TNFSF4: variants seen among roughly 807,000 people sequenced by gnomAD.
The protein encoded by TNFSF4 is tumor necrosis factor ligand superfamily member 4.
In TNFSF4, 4 loss-of-function variants were observed where a neutral mutation model predicts 7.3. The ratio of observed to expected loss-of-function variants is 0.55; its 90% CI spans 0.27 to 1.25. The LOEUF (loss-of-function observed/expected upper bound fraction) is 1.25. Among genes scored for constraint, TNFSF4 ranks in the 50% most tolerant of loss-of-function variants. The pLI, the probability that TNFSF4 is intolerant of heterozygous loss-of-function variation, is 0.12. For missense variants in TNFSF4, 181 were observed against 208.8 expected, an observed-to-expected ratio of 0.87 and a Z score of 0.82; for synonymous variants, 76 against 83.7, an observed-to-expected ratio of 0.91 and a Z score of 0.50.
At chr1:173,387,778 A>T in the TNFSF4 span, among the ~76,000 whole-genome samples, 1 of 152,212 alleles carries the variant, frequency 6.6e-6, no homozygotes, top group Non-Finnish European at 1.5e-5. Context: ...ATTGTTCATT[A>T]ACCATTAACT....
the TNFSF4 span, among the ~76,000 whole-genome samples, chr1:173,309,957 G>C: frequency 2.6e-5 from 4 of 151,720 alleles, no homozygotes; most frequent in Non-Finnish European, 5.9e-5. Context: ...TTAATGTATT[G>C]ATAAAAAATA....
At chr1:173,362,624 G>T in the TNFSF4 span, 1 of 465,410 alleles carries the variant, frequency 2.1e-6, no homozygotes, top group Middle Eastern at 4.9e-4. Flanking sequence ...GCATGCTGCT[G>T]GTGATTAAAG....
the TNFSF4 span, among the ~76,000 whole-genome samples, chr1:173,321,718 T>C: frequency 5.9e-4 from 89 of 151,982 alleles, no homozygotes; most frequent in Middle Eastern, 6.8e-3. Flanking sequence ...ATAAAAAAGG[T>C]TCATCATCAC....
the TNFSF4 span, among the ~76,000 whole-genome samples, chr1:173,231,362 A>G: frequency 6.6e-6 from 1 of 152,248 alleles, no homozygotes; most frequent in Non-Finnish European, 1.5e-5. Context: ...TTATCTCAAT[A>G]GATGCAGAAA....
chr1:173,416,682 G>A, the TNFSF4 span, among the ~76,000 whole-genome samples: 2 of 131,344 alleles, frequency 1.5e-5, no homozygotes, highest in African/African-American at 5.5e-5. Flanking sequence ...AGGCTGGAGT[G>A]CAGTGATGTC....
chr1:173,318,686 G>T, the TNFSF4 span, among the ~76,000 whole-genome samples: 1 of 152,150 alleles, frequency 6.6e-6, no homozygotes, highest in African/African-American at 2.4e-5. Context: ...TTTATATGAA[G>T]AGCTGTAAAA....
chr1:173,390,163 C>T, the TNFSF4 span, among the ~76,000 whole-genome samples: 2 of 152,100 alleles, frequency 1.3e-5, no homozygotes, highest in Non-Finnish European at 2.9e-5. Flanking sequence ...GAGACTAGTA[C>T]TATAGTTATA....
intron 1 of TNFSF4, among the ~76,000 whole-genome samples, chr1:173,202,436 T>A (rs1649987367): frequency 6.6e-6 from 1 of 152,214 alleles, no homozygotes; most frequent in East Asian, 1.9e-4. Context: ...CTGATATTGT[T>A]CATTCTCTTA....
chr1:173,176,420 A>G, the TNFSF4 span, among the ~76,000 whole-genome samples: 1 of 152,198 alleles, frequency 6.6e-6, no homozygotes, highest in Non-Finnish European at 1.5e-5. Flanking sequence ...CCGCAGTGAG[A>G]GATCATCTCA....
At chr1:173,425,059 T>C in the TNFSF4 span, among the ~76,000 whole-genome samples, 1 of 152,222 alleles carries the variant, frequency 6.6e-6, no homozygotes, top group African/African-American at 2.4e-5. Flanking sequence ...CCAGGAATTG[T>C]CAATATTCCA....
chr1:173,229,462 C>A, the TNFSF4 span, among the ~76,000 whole-genome samples: 1 of 152,200 alleles, frequency 6.6e-6, no homozygotes, highest in African/African-American at 2.4e-5. Flanking sequence ...CAACCAGTAC[C>A]AGACACTGCA....
At chr1:173,228,166 G>C in the TNFSF4 span, among the ~76,000 whole-genome samples, 1 of 152,190 alleles carries the variant, frequency 6.6e-6, no homozygotes, top group Non-Finnish European at 1.5e-5. Context: ...AGCCTAACTG[G>C]GAGGCACCCC....
the TNFSF4 span, among the ~76,000 whole-genome samples, chr1:173,215,224 A>G: frequency 6.6e-6 from 1 of 152,046 alleles, no homozygotes; most frequent in South Asian, 2.1e-4. Context: ...ACCAGAACCC[A>G]ACCATGTTGG....
the TNFSF4 span, among the ~76,000 whole-genome samples, chr1:173,232,992 G>A: frequency 0.022 from 3,426 of 152,300 alleles, 58 homozygotes; most frequent in Middle Eastern, 0.051. Flanking sequence ...TGACTTTGAC[G>A]AGTTGAGAGA....
At chr1:173,325,908 T>C in the TNFSF4 span, among the ~76,000 whole-genome samples, 1 of 152,132 alleles carries the variant, frequency 6.6e-6, no homozygotes, top group South Asian at 2.1e-4. Context: ...CAGGACCAGA[T>C]GGATTCACAG....
At chr1:173,351,408 A>G in the TNFSF4 span, among the ~76,000 whole-genome samples, 1 of 152,172 alleles carries the variant, frequency 6.6e-6, no homozygotes, top group South Asian at 2.1e-4. Context: ...TTTCTCACAC[A>G]TCTATTTACT....
chr1:173,214,912 C>T, the TNFSF4 span, among the ~76,000 whole-genome samples: 1 of 152,130 alleles, frequency 6.6e-6, no homozygotes, highest in Non-Finnish European at 1.5e-5. Context: ...AAACCAAGAT[C>T]ATCTGGGTTT....
chr1:173,360,784 G>A, the TNFSF4 span, among the ~76,000 whole-genome samples: 68 of 152,272 alleles, frequency 4.5e-4, no homozygotes, highest in African/African-American at 1.5e-3. Flanking sequence ...ATTAGGGGGT[G>A]GAAGGGAAGT....
chr1:173,320,263 C>T, the TNFSF4 span, among the ~76,000 whole-genome samples: 7 of 152,132 alleles, frequency 4.6e-5, no homozygotes, highest in Non-Finnish European at 1.0e-4. Flanking sequence ...GCAGAAAAGG[C>T]CATTGACAAA....
Sources: allele counts gnomAD v4.1 joint callset (sites outside exome capture counted in the v4.1 genomes callset), GRCh38; gene constraint gnomAD v4.1.1; transcripts MANE v1.5; gene names NCBI Gene and HGNC (gene_info 2026-07-23, HGNC 2026-07-21).